The following NTRK2 variants were observed in gnomAD, a reference collection of about 807,000 sequenced individuals.
The protein encoded by NTRK2 is BDNF/NT-3 growth factors receptor.
NTRK2 carries 13 observed loss-of-function variants against 94.5 expected under a neutral mutation model. That is an observed-to-expected ratio of 0.14 (90% confidence interval 0.09 to 0.22). NTRK2 has a LOEUF of 0.22. Among genes scored for constraint, NTRK2 ranks in the 10% least tolerant of loss-of-function variants. The probability of loss-of-function intolerance (pLI) is 1.00; values close to 1 mark genes in which losing one functional copy is unlikely to be tolerated. For synonymous variants in NTRK2, 372 were observed against 407.4 expected, an observed-to-expected ratio of 0.91 and a Z score of 1.05; for missense variants, 639 against 1,071.2, an observed-to-expected ratio of 0.60 and a Z score of 5.63.
At chr9:84,802,849 A>G (rs2070662825) in intron 12 of NTRK2, among the ~76,000 whole-genome samples, 1 of 152,160 alleles carries the variant, frequency 6.6e-6, no homozygotes, top group African/African-American at 2.4e-5. Flanking sequence ...CCAGATGTGG[A>G]AAAGCTTTAG....
intron 12 of NTRK2, chr9:84,813,023 T>G (rs1422118122): frequency 1.9e-6 from 2 of 1,036,004 alleles, no homozygotes; most frequent in African/African-American, 3.4e-5. Context: ...ACCACCCCTT[T>G]TCATCATTTT....
chr9:84,880,103 T>A lies in NTRK2; in HGVS notation c.1633+12672T>A, dbSNP rs544447638. Among the ~76,000 whole-genome samples the A allele has an allele frequency of 5.3e-5, 8 of 152,376 alleles. No homozygotes were observed. The South Asian group carries it at 1.7e-3, about 32-fold the overall frequency. On this transcript the variant is annotated intron_variant, in intron 14 of 18. Coordinates refer to ENST00000277120, the MANE Select transcript of NTRK2 (RefSeq NM_006180.6). Reference sequence around the variant, plus strand: ...TCTGAAAAGTTTACATTTTTAGTTTTAGTTCAGAAAATCCTAGAAAAAGCA... The same window carrying A: ...TCTGAAAAGTTTACATTTTTAGTTTAAGTTCAGAAAATCCTAGAAAAAGCA...
At chr9:84,946,206 T>A (rs1358254180) in intron 15 of NTRK2, among the ~76,000 whole-genome samples, 4 of 152,228 alleles carry the variant, frequency 2.6e-5, no homozygotes, top group African/African-American at 9.6e-5. Flanking sequence ...CTAACCTTAA[T>A]GACTGACTGT....
At chr9:84,671,266 A>T (rs2058683174) in intron 2 of NTRK2, among the ~76,000 whole-genome samples, 1 of 152,186 alleles carries the variant, frequency 6.6e-6, no homozygotes, top group African/African-American at 2.4e-5. Flanking sequence ...GGTGTGCTTT[A>T]GGCTTTCAGT....
chr9:84,899,646 G>A (rs1051934730), intron 14 of NTRK2, among the ~76,000 whole-genome samples: 1 of 152,214 alleles, frequency 6.6e-6, no homozygotes, highest in African/African-American at 2.4e-5. Flanking sequence ...CACGTCATAC[G>A]ATTCTATATT....
At chr9:84,762,883 G>C (rs1175116562) in intron 12 of NTRK2, among the ~76,000 whole-genome samples, 3 of 152,168 alleles carry the variant, frequency 2.0e-5, no homozygotes, top group Non-Finnish European at 4.4e-5. Context: ...GGAAATAGTG[G>C]AGAGTGTGCT....
chr9:84,805,550 A>G (rs771522352), intron 12 of NTRK2, among the ~76,000 whole-genome samples: 3 of 152,228 alleles, frequency 2.0e-5, no homozygotes, highest in African/African-American at 7.2e-5. Context: ...CCAGTTGCCA[A>G]TGAGAAGCAG....
chr9:84,857,797 T>G (rs2075137539), intron 12 of NTRK2, among the ~76,000 whole-genome samples: 1 of 152,128 alleles, frequency 6.6e-6, no homozygotes, highest in African/African-American at 2.4e-5. Flanking sequence ...AAACGAATCC[T>G]AGGTAGAGAG....
chr9:84,896,774 T>C (rs1209784760), intron 14 of NTRK2, among the ~76,000 whole-genome samples: 1 of 152,184 alleles, frequency 6.6e-6, no homozygotes, highest in Non-Finnish European at 1.5e-5. Flanking sequence ...TCAGGACATC[T>C]CCACAAAATG....
At chr9:84,997,157 A>G (rs78099282) in intron 17 of NTRK2, among the ~76,000 whole-genome samples, 2,769 of 152,272 alleles carry the variant, frequency 0.018, 71 homozygotes, top group African/African-American at 0.063. Flanking sequence ...TGTAGGATTT[A>G]TAGGGAAGAG....
intron 4 of NTRK2, among the ~76,000 whole-genome samples, chr9:84,703,597 C>G (rs570476811): frequency 6.6e-6 from 1 of 152,168 alleles, no homozygotes; most frequent in South Asian, 2.1e-4. Context: ...AGAAACCATT[C>G]TCTTAGAAGC....
intron 15 of NTRK2, among the ~76,000 whole-genome samples, chr9:84,939,042 A>AC (rs1296308310): frequency 9.7e-6 from 1 of 103,008 alleles, no homozygotes; most frequent in African/African-American, 4.7e-5. Context: ...ACAGAGTGAG[A>AC]CCCCAACTCA....
intron 17 of NTRK2, among the ~76,000 whole-genome samples, chr9:84,990,863 A>G (rs1321804782): frequency 1.3e-5 from 2 of 152,164 alleles, no homozygotes; most frequent in Non-Finnish European, 2.9e-5. Context: ...AGAGAGGACA[A>G]TGCTGAGGGG....
chr9:84,966,452 A>G (rs1825568798), intron 17 of NTRK2, among the ~76,000 whole-genome samples: 1 of 152,028 alleles, frequency 6.6e-6, no homozygotes, highest in Non-Finnish European at 1.5e-5. Context: ...TTTGTTTTGA[A>G]GTGGAGTCTT....
intron 2 of NTRK2, among the ~76,000 whole-genome samples, chr9:84,691,645 T>C (rs1291597582): frequency 6.6e-6 from 1 of 152,172 alleles, no homozygotes; most frequent in Non-Finnish European, 1.5e-5. Flanking sequence ...TATCTGAGTA[T>C]GAAGATGAGC....
At chr9:84,902,213 A>T (rs558793427) in intron 14 of NTRK2, among the ~76,000 whole-genome samples, 1 of 152,004 alleles carries the variant, frequency 6.6e-6, no homozygotes, top group African/African-American at 2.4e-5. Flanking sequence ...AAAAATTAAA[A>T]ATTAAAAAAA....
At chr9:84,905,829 A>G (rs996450270) in intron 14 of NTRK2, among the ~76,000 whole-genome samples, 1 of 152,184 alleles carries the variant, frequency 6.6e-6, no homozygotes, top group African/African-American at 2.4e-5. Flanking sequence ...GAAGATAGAC[A>G]TGGGGAAACG....
intron 12 of NTRK2, among the ~76,000 whole-genome samples, chr9:84,836,747 C>T (rs905087491): frequency 1.3e-5 from 2 of 149,274 alleles, no homozygotes; most frequent in Non-Finnish European, 3.0e-5. Context: ...CCTTGGGGAG[C>T]TCTCCACAGT....
At chr9:84,732,674 G>T (rs2062972830) in intron 9 of NTRK2, among the ~76,000 whole-genome samples, 1 of 152,188 alleles carries the variant, frequency 6.6e-6, no homozygotes, top group Admixed American at 6.5e-5. Context: ...GCAGTATGGG[G>T]TCAGGGATGG....
Sources: gnomAD v4.1 joint callset for allele counts (sites outside exome capture counted in the v4.1 genomes callset) on GRCh38, gnomAD v4.1.1 for gene constraint, MANE v1.5 for transcripts, NCBI Gene and HGNC (gene_info 2026-07-23, HGNC 2026-07-21) for gene names.